CDH7: variants seen among roughly 807,000 people sequenced by gnomAD.
CDH7 encodes the protein cadherin 7.
In CDH7, 25 loss-of-function variants were observed where a neutral mutation model predicts 71.8. The ratio of observed to expected loss-of-function variants is 0.35; its 90% CI spans 0.25 to 0.49. CDH7 has a LOEUF of 0.49. CDH7 is among the 20% of genes least tolerant of loss of function. CDH7 has a pLI of 0.99. For synonymous variants in CDH7, 381 were observed against 363.8 expected, an observed-to-expected ratio of 1.05 and a Z score of -0.54; for missense variants, 862 against 974.6, an observed-to-expected ratio of 0.88 and a Z score of 1.54.
chr18:65,767,438 C>T (rs939492675), intron 2 of CDH7, among the ~76,000 whole-genome samples: 2 of 151,992 alleles, frequency 1.3e-5, no homozygotes, highest in African/African-American at 2.4e-5. Flanking sequence ...CAGAAAAGGT[C>T]AATAATGAAT....
At chr18:65,848,254 A>T (rs1487540522) in intron 7 of CDH7, among the ~76,000 whole-genome samples, 1 of 152,196 alleles carries the variant, frequency 6.6e-6, no homozygotes, top group Non-Finnish European at 1.5e-5. Flanking sequence ...CAGCATTGGC[A>T]GACTGATCAA....
chr18:65,865,306 G>T (rs1227997058), intron 11 of CDH7: 2 of 152,050 alleles, frequency 1.3e-5, no homozygotes, highest in Non-Finnish European at 2.9e-5. Context: ...TACAGTATGT[G>T]CATGTATGCT....
At chr18:65,879,464 T>C (rs943479296) in intron 11 of CDH7, among the ~76,000 whole-genome samples, 1 of 152,192 alleles carries the variant, frequency 6.6e-6, no homozygotes, top group Non-Finnish European at 1.5e-5. Context: ...ATTCCAAAAT[T>C]CAACAATACT....
intron 4 of CDH7, among the ~76,000 whole-genome samples, chr18:65,818,377 A>C (rs1415757921): frequency 6.6e-6 from 1 of 152,242 alleles, no homozygotes; most frequent in African/African-American, 2.4e-5. Context: ...GTTAGGACTC[A>C]GAATAAGTTT....
intron 6 of CDH7, among the ~76,000 whole-genome samples, chr18:65,832,374 T>C (rs1189095587): frequency 6.6e-6 from 1 of 152,034 alleles, no homozygotes; most frequent in East Asian, 1.9e-4. Context: ...GAAAAAAGAA[T>C]AAATAGAGAA....
At chr18:65,847,926 G>A (rs941790419) in intron 7 of CDH7, among the ~76,000 whole-genome samples, 1 of 151,956 alleles carries the variant, frequency 6.6e-6, no homozygotes, top group South Asian at 2.1e-4. Context: ...TCAAAGCCAA[G>A]GGTAGAAGTT....
chr18:65,766,369 A>G (rs1244584117), intron 2 of CDH7, among the ~76,000 whole-genome samples: 1 of 152,160 alleles, frequency 6.6e-6, no homozygotes, highest in Non-Finnish European at 1.5e-5. Flanking sequence ...GCTTTCAAGC[A>G]TATTATTTTA....
intron 11 of CDH7, among the ~76,000 whole-genome samples, chr18:65,870,879 A>C (rs976402113): frequency 6.6e-6 from 1 of 152,196 alleles, no homozygotes; most frequent in Non-Finnish European, 1.5e-5. Context: ...CTTCTTAACC[A>C]GTATATTATT....
chr18:65,805,902 G>A (rs1438674004), intron 2 of CDH7, among the ~76,000 whole-genome samples: 1 of 109,198 alleles, frequency 9.2e-6, no homozygotes, highest in Non-Finnish European at 2.1e-5. Flanking sequence ...GGCAATGTGA[G>A]TTATTAAAAT....
rs1215329639 is a variant in CDH7 at position 65,887,527 on chromosome 18, A to T, written c.*6633A>T. ...TTAAATGCCCAAAAATAAAAGGAAA[A>T]GGAAAAATAAGTCACTACACAACTT... On this transcript the variant is annotated 3_prime_UTR_variant, in exon 12 of 12. Transcript: ENST00000397968. 6.6e-6 allele frequency: 1 copy of T among 151,930 alleles called. No homozygotes were observed. The highest frequency in any genetic ancestry group is 1.9e-4 in the East Asian group (1 of 5,172). The allele number at this position is 151,930 out of a possible 1,614,324, so 9.4% of individuals were successfully genotyped here. A position where few individuals can be genotyped will look rare whatever the true frequency, so the allele number is the denominator to read the frequency against.
chr18:65,834,635 T>C (rs1250797536), intron 6 of CDH7, among the ~76,000 whole-genome samples: 2 of 152,208 alleles, frequency 1.3e-5, no homozygotes, highest in Admixed American at 6.5e-5. Context: ...ATGTTATCAA[T>C]AGAAGAGAGA....
At chr18:65,753,650 GA>G (rs1915948395) in intron 1 of CDH7, among the ~76,000 whole-genome samples, 1 of 152,174 alleles carries the variant, frequency 6.6e-6, no homozygotes, top group South Asian at 2.1e-4. Context: ...TGAGGACAAG[GA>G]AAGAAGACAT....
chr18:65,848,154 A>G (rs1913001759), intron 7 of CDH7, among the ~76,000 whole-genome samples: 1 of 152,080 alleles, frequency 6.6e-6, no homozygotes, highest in Non-Finnish European at 1.5e-5. Context: ...TTTCTGAGTG[A>G]TAGAAACTTC....
chr18:65,852,567 C>T (rs779643604), intron 7 of CDH7, among the ~76,000 whole-genome samples: 1 of 152,088 alleles, frequency 6.6e-6, no homozygotes, highest in African/African-American at 2.4e-5. Flanking sequence ...GGGCAGAAAT[C>T]AAATACCAGG....
chr18:65,870,894 C>A (rs1188709981), intron 11 of CDH7, among the ~76,000 whole-genome samples: 2 of 152,068 alleles, frequency 1.3e-5, no homozygotes, highest in African/African-American at 4.8e-5. Flanking sequence ...ATTATTGGGG[C>A]CTGTCAAAGG....
chr18:65,826,142 A>C (rs931289), intron 6 of CDH7, among the ~76,000 whole-genome samples: 110,631 of 151,116 alleles, frequency 0.73, 40,750 homozygotes, highest in East Asian at 0.98. Context: ...AATTTTAGAA[A>C]ATTGCTAGAA....
In CDH7 at chr18:65,889,361, G is replaced by A. The variant is rs1173311634; in HGVS notation, c.*8467G>A. ...TTGCCATAGGGACAGCTCCAACCCAGTGCTGGGCTCGTGGAAGGCAGCAAG... is the reference window on the plus strand; with the variant it reads ...TTGCCATAGGGACAGCTCCAACCCAATGCTGGGCTCGTGGAAGGCAGCAAG... On this transcript the variant is annotated 3_prime_UTR_variant, in exon 12 of 12. Coordinates refer to ENST00000397968, the MANE Select transcript of CDH7 (RefSeq NM_004361.5). 6.6e-6 allele frequency: 1 copy of A among 152,204 alleles called. No individual in the cohort carries two copies. The highest frequency in any genetic ancestry group is 2.4e-5 in the African/African-American group (1 of 41,442). 9.4% of individuals were successfully genotyped at this position (152,204 alleles called of 1,614,324 possible).
intron 2 of CDH7, among the ~76,000 whole-genome samples, chr18:65,792,290 T>A (rs1484981212): frequency 6.6e-6 from 1 of 151,630 alleles, no homozygotes; most frequent in African/African-American, 2.4e-5. Context: ...GTTTTCTGAT[T>A]TCTGTACTCG....
intron 6 of CDH7, 131 bp downstream of exon 6, chr18:65,824,962 T>C (rs1417173235): frequency 3.5e-6 from 2 of 563,606 alleles, no homozygotes; most frequent in Admixed American, 7.2e-5. Context: ...AGATAAGCTA[T>C]ACATTTAATT....
Sources: allele counts gnomAD v4.1 joint callset (sites outside exome capture counted in the v4.1 genomes callset), GRCh38; gene constraint gnomAD v4.1.1; transcripts MANE v1.5; gene names NCBI Gene and HGNC (gene_info 2026-07-23, HGNC 2026-07-21).